Variants in PRKD3 observed in about 807,000 individuals in gnomAD.
The protein encoded by PRKD3 is protein kinase D3.
In PRKD3, 47 loss-of-function variants were observed where a neutral mutation model predicts 99.2. That is an observed-to-expected ratio of 0.47 (90% CI 0.38 to 0.60). PRKD3 has a LOEUF of 0.60. PRKD3 is among the 20% of genes least tolerant of loss of function. The pLI is 0.00. For synonymous variants in PRKD3, 392 were observed against 355.4 expected (o/e 1.10, Z -1.16); for missense variants, 1,019 against 1,088.4 (o/e 0.94, Z 0.90).
chr2:37,253,942 C>T (rs1455814490), intron 18 of PRKD3, among the ~76,000 whole-genome samples: 1 of 152,126 alleles, frequency 6.6e-6, no homozygotes, highest in African/African-American at 2.4e-5. Context: ...ATTAATATGT[C>T]ATACTAATCT....
chr2:37,320,350 T>C (rs6722364), intron 1 of PRKD3, among the ~76,000 whole-genome samples: 7,661 of 151,144 alleles, frequency 0.051, 618 homozygotes, highest in African/African-American at 0.17. Flanking sequence ...CTGACTTAAG[T>C]AGTTTTTATA....
intron 2 of PRKD3, among the ~76,000 whole-genome samples, chr2:37,314,375 T>C (rs1036022263): frequency 1.3e-5 from 2 of 152,214 alleles, no homozygotes; most frequent in African/African-American, 2.4e-5. Flanking sequence ...TTAAGCTATA[T>C]CCTATTTCCC....
chr2:37,292,567 T>C (rs4581878), intron 3 of PRKD3, among the ~76,000 whole-genome samples: 50,001 of 151,838 alleles, frequency 0.33, 9,024 homozygotes, highest in East Asian at 0.56. Context: ...AGGATGGTCT[T>C]GATCTCCTGA....
At chr2:37,264,760 C>A (rs1004413478) in intron 14 of PRKD3, among the ~76,000 whole-genome samples, 2 of 151,918 alleles carry the variant, frequency 1.3e-5, no homozygotes, top group Non-Finnish European at 2.9e-5. Flanking sequence ...AAAAAAGACT[C>A]AATTTGTTGT....
At chr2:37,273,328 T>G (rs3770763) in intron 11 of PRKD3, among the ~76,000 whole-genome samples, 22,097 of 152,108 alleles carry the variant, frequency 0.15, 1,789 homozygotes, top group South Asian at 0.27. Flanking sequence ...TCCATCTACT[T>G]ACACCCATTC....
At chr2:37,267,648 A>AT (rs1572632990) in intron 13 of PRKD3, 112 bp from the exon 14 acceptor site, 2 of 829,640 alleles carry the variant, frequency 2.4e-6, no homozygotes, top group East Asian at 5.2e-5. Context: ...TTTTTGGCTC[A>AT]TTTTTGTTCT....
chr2:37,310,502 A>G (rs1044336889), intron 2 of PRKD3, among the ~76,000 whole-genome samples: 8 of 152,252 alleles, frequency 5.3e-5, no homozygotes, highest in African/African-American at 4.8e-5. Flanking sequence ...GGTTTTAACT[A>G]TAACACTATA....
In PRKD3 at chr2:37,256,602, GT is replaced by G. The variant is rs1421246058; in HGVS notation, c.2413+59del. ...CAGACTGATTTGGGATGAGAAAGAT[GT>G]TTAGGCTTAAAACACATAGCCAAAA... On this transcript the variant is annotated intron_variant, in intron 17 of 18. Coordinates refer to ENST00000234179, the MANE Select transcript of PRKD3 (RefSeq NM_005813.6). 27 of 1,410,602 alleles carry G rather than the reference GT, an allele frequency of 1.9e-5. No individual in the cohort carries two copies. The African/African-American group carries it at 3.9e-4, about 20-fold the overall frequency. The allele number at this position is 1,410,602 out of a possible 1,614,324, so 87.4% of individuals were successfully genotyped here.
chr2:37,275,916 C>G (rs1669543483), intron 9 of PRKD3, 72 bp from the exon 10 acceptor site: 3 of 1,498,276 alleles, frequency 2.0e-6, no homozygotes, highest in Non-Finnish European at 2.7e-6. Flanking sequence ...CTAACTTTTC[C>G]CTTCATTTAC....
At chr2:37,274,383 A>G (rs997767240) in intron 11 of PRKD3, 38 bp downstream of exon 11, 4 of 1,606,784 alleles carry the variant, frequency 2.5e-6, no homozygotes, top group Non-Finnish European at 3.4e-6. Flanking sequence ...CTTAAGAATT[A>G]AAGAGGAGAA....
At chr2:37,263,465 C>T (rs1399673655) in intron 14 of PRKD3, among the ~76,000 whole-genome samples, 2 of 152,092 alleles carry the variant, frequency 1.3e-5, no homozygotes, top group Admixed American at 6.6e-5. Flanking sequence ...AGACCTTGTA[C>T]GTTCTTAATT....
chr2:37,279,520 C>CA (rs1669735324), intron 8 of PRKD3: 1 of 252,200 alleles, frequency 4.0e-6, no homozygotes, highest in Non-Finnish European at 6.6e-6. Context: ...AAACAAAAAA[C>CA]GAAAAAAAAA....
At chr2:37,257,671 GAA>G (rs1164110574) in intron 16 of PRKD3, among the ~76,000 whole-genome samples, 4 of 28,540 alleles carry the variant, frequency 1.4e-4, no homozygotes, top group African/African-American at 6.0e-4. Context: ...TGTCTCAAAA[GAA>G]AAAAAAAAAA....
At chr2:37,260,575 T>C in intron 14 of PRKD3, among the ~76,000 whole-genome samples, 191 bp from the exon 15 acceptor site, 1 of 152,118 alleles carries the variant, frequency 6.6e-6, no homozygotes, top group Non-Finnish European at 1.5e-5. Flanking sequence ...TACTGGAGAG[T>C]AGCCGCACTG....
At position 37,277,926 on chromosome 2, in the gene PRKD3, CCTCTTT is replaced by C; in HGVS notation, c.1230_1235del (p.Arg412_Lys413del). 6.2e-7 allele frequency: 1 copy of C among 1,613,442 alleles called. No homozygotes were observed. On this transcript the variant is annotated inframe_deletion, in exon 9 of 19. Transcript: ENST00000234179. ...CTTCCTTCACCATTGTGCTGCTCTT[CCTCTTT>C]GTGTGCTTGATGGATTGTACAACCC...
intron 1 of PRKD3, among the ~76,000 whole-genome samples, chr2:37,317,497 T>A (rs953782473): frequency 6.6e-6 from 1 of 151,800 alleles, no homozygotes; most frequent in African/African-American, 2.4e-5. Flanking sequence ...CATGACTGAG[T>A]TATATCAAAA....
Position 37,279,760 on chromosome 2 carries a change from G to T in PRKD3, c.1158C>A (p.Ala386=). 1 of 1,612,372 alleles carries T rather than the reference G, an allele frequency of 6.2e-7. No homozygotes were observed. The highest frequency in any genetic ancestry group is 8.5e-7 in the Non-Finnish European group (1 of 1,179,402). ...ATATATATTACCTGATTGTTTTAACGGCTTCTTCATCTCTTTCCACATCGA... is the reference window on the plus strand; with the variant it reads ...ATATATATTACCTGATTGTTTTAACTGCTTCTTCATCTCTTTCCACATCGA... The part of the protein sequence containing the change: ...SDLDVERDEE[A]VKTISPSTSN... Residue 386 remains alanine, a synonymous_variant, in exon 8 of 19, where the codon GCC becomes GCA. Coordinates refer to ENST00000234179, the MANE Select transcript of PRKD3 (RefSeq NM_005813.6).
chr2:37,271,619 T>C (rs985819459), intron 12 of PRKD3, among the ~76,000 whole-genome samples: 2 of 152,232 alleles, frequency 1.3e-5, no homozygotes, highest in Admixed American at 6.5e-5. Context: ...CTCCGCCTCC[T>C]GCCATATCAG....
At chr2:37,307,667 A>G (rs1204298654) in intron 2 of PRKD3, among the ~76,000 whole-genome samples, 2 of 152,238 alleles carry the variant, frequency 1.3e-5, no homozygotes, top group South Asian at 2.1e-4. Flanking sequence ...TGTATCATAA[A>G]TGTTGGAAGG....
Sources: gnomAD v4.1 joint callset for allele counts (sites outside exome capture counted in the v4.1 genomes callset) on GRCh38, gnomAD v4.1.1 for gene constraint, MANE v1.5 for transcripts, NCBI Gene and HGNC (gene_info 2026-07-23, HGNC 2026-07-21) for gene names.